WNT7A: variants seen among roughly 807,000 people sequenced by gnomAD.
WNT7A encodes Wnt family member 7A.
WNT7A carries 16 observed loss-of-function variants against 28.2 expected under a neutral mutation model. The ratio of observed to expected loss-of-function variants is 0.57; its 90% confidence interval spans 0.38 to 0.86. The LOEUF (loss-of-function observed/expected upper bound fraction) is 0.86. Ranked by LOEUF, WNT7A falls within the 40% of genes least tolerant of loss-of-function variation. The pLI is 0.00. For synonymous variants in WNT7A, 190 were observed against 195.9 expected, an observed-to-expected ratio of 0.97 and a Z score of 0.25; for missense variants, 411 against 489.7, an observed-to-expected ratio of 0.84 and a Z score of 1.52.
At position 13,818,386 on chromosome 3, in the gene WNT7A, A is replaced by G. The variant is rs750172211; in HGVS notation, c.*558T>C. ...AAAAAAAATGTGTGTGTGTATATCTATATATGCATAAAAGATGTCTCCTCT... is the reference window on the plus strand; with the variant it reads ...AAAAAAAATGTGTGTGTGTATATCTGTATATGCATAAAAGATGTCTCCTCT... On this transcript the variant is annotated 3_prime_UTR_variant, in exon 4 of 4. Coordinates refer to ENST00000285018, the MANE Select transcript of WNT7A (RefSeq NM_004625.4). The G allele has an allele frequency of 6.8e-6, 1 of 146,350 alleles. No individual in the cohort carries two copies. The highest frequency in any genetic ancestry group is 1.5e-5 in the Non-Finnish European group (1 of 66,986). The allele number at this position is 146,350 out of a possible 1,614,324, so 9.1% of individuals were successfully genotyped here.
At chr3:13,843,451 T>C (rs2124847449) in intron 3 of WNT7A, among the ~76,000 whole-genome samples, 1 of 152,122 alleles carries the variant, frequency 6.6e-6, no homozygotes, top group East Asian at 1.9e-4. Flanking sequence ...AGCAAACAAG[T>C]GGCACAGTCG....
intron 3 of WNT7A, among the ~76,000 whole-genome samples, chr3:13,847,854 G>A (rs938842935): frequency 6.6e-6 from 1 of 152,134 alleles, no homozygotes; most frequent in African/African-American, 2.4e-5. Context: ...CAGAGTCTTC[G>A]TTTGGGAAGA....
chr3:13,877,581 C>T (rs991486438), intron 1 of WNT7A, among the ~76,000 whole-genome samples: 1 of 152,216 alleles, frequency 6.6e-6, no homozygotes, highest in African/African-American at 2.4e-5. Flanking sequence ...AAGGGTCTGG[C>T]CTAGGTTCTC....
At chr3:13,864,253 TC>T (rs1694876962) in intron 2 of WNT7A, among the ~76,000 whole-genome samples, 1 of 152,134 alleles carries the variant, frequency 6.6e-6, no homozygotes, top group Non-Finnish European at 1.5e-5. Context: ...ATTAAATACC[TC>T]TGACAACTTC....
intron 2 of WNT7A, among the ~76,000 whole-genome samples, chr3:13,872,568 T>C (rs1029064693): frequency 6.6e-6 from 1 of 152,132 alleles, no homozygotes; most frequent in African/African-American, 2.4e-5. Flanking sequence ...GTCCCAAGGA[T>C]TTTCTTGGGC....
At chr3:13,872,624 C>A (rs1054025900) in intron 2 of WNT7A, among the ~76,000 whole-genome samples, 4 of 152,192 alleles carry the variant, frequency 2.6e-5, no homozygotes, top group Non-Finnish European at 4.4e-5. Context: ...CCTGCCAAGC[C>A]CACTAGAATG....
intron 3 of WNT7A, among the ~76,000 whole-genome samples, chr3:13,844,746 G>A (rs1225496238): frequency 6.6e-6 from 1 of 152,178 alleles, no homozygotes; most frequent in Non-Finnish European, 1.5e-5. Context: ...TAGGGACACA[G>A]GTGCACCTGG....
chr3:13,830,677 CT>C (rs1481712225), intron 3 of WNT7A, among the ~76,000 whole-genome samples: 1 of 152,156 alleles, frequency 6.6e-6, no homozygotes, highest in Non-Finnish European at 1.5e-5. Context: ...GACTGTCTCC[CT>C]CTGCCTAGAA....
intron 1 of WNT7A, among the ~76,000 whole-genome samples, chr3:13,878,283 C>T (rs559538553): frequency 6.6e-6 from 1 of 152,122 alleles, no homozygotes; most frequent in East Asian, 1.9e-4. Flanking sequence ...CCCTCCTCCC[C>T]GTTTCTAATT....
In WNT7A at chr3:13,818,698, C is replaced by G; in HGVS notation, c.*246G>C. Reference sequence around the variant, plus strand: ...AGAGTTCCTGCTGCAGAAGGCTTCGCTCCAGCCGCGGAGGGACCTGGGCTG... The same window carrying G: ...AGAGTTCCTGCTGCAGAAGGCTTCGGTCCAGCCGCGGAGGGACCTGGGCTG... On this transcript the variant is annotated 3_prime_UTR_variant, in exon 4 of 4. Coordinates refer to ENST00000285018, the MANE Select transcript of WNT7A (RefSeq NM_004625.4). 2.4e-6 allele frequency: 1 copy of G among 417,202 alleles called. No homozygotes were observed. The highest frequency in any genetic ancestry group is 4.1e-6 in the Non-Finnish European group (1 of 246,014). 25.8% of individuals were successfully genotyped at this position (417,202 alleles called of 1,614,324 possible). A position where few individuals can be genotyped will look rare whatever the true frequency, so the allele number is the denominator to read the frequency against.
Position 13,819,013 on chromosome 3 carries a change from C to G in WNT7A, c.981G>C (p.Lys327Asn). The change falls in exon 4 of 4, where the codon AAG becomes AAC. Residue 327 changes from lysine (K) to asparagine (N), a missense_variant. Physicochemically the swap from Lys to Asn is moderately conservative, Grantham distance 94. Transcript: ENST00000285018. ...QYARVWQCNC[K>N]FHWCCYVKCN... ...ACTTGACATAGCAGCACCAGTGGAACTTACAGTTGCACTGCCACACGCGGG... is the reference window on the plus strand; with the variant it reads ...ACTTGACATAGCAGCACCAGTGGAAGTTACAGTTGCACTGCCACACGCGGG... 6.2e-7 allele frequency: 1 copy of G among 1,611,530 alleles called. No individual in the cohort carries two copies. Among genetic ancestry groups the G allele is most frequent in the South Asian group, 1.1e-5 (1 of 90,960 alleles).
Position 13,876,397 on chromosome 3 carries a change from CA to C in WNT7A, c.72-1225del, listed in dbSNP as rs527736428. On this transcript the variant is annotated intron_variant, in intron 1 of 3. Coordinates refer to ENST00000285018, the MANE Select transcript of WNT7A (RefSeq NM_004625.4). ...GAAGCACTGAAGGGTGTAAGCAGGA[CA>C]CTGACATGACCTGGTGGTCCCCACT... Among the ~76,000 whole-genome samples the C allele has an allele frequency of 1.1e-4, 16 of 152,296 alleles. No homozygotes were observed. In the South Asian group the frequency reaches 3.3e-3, roughly 32 times the overall value.
chr3:13,855,749 G>A (rs1325624975), intron 2 of WNT7A, among the ~76,000 whole-genome samples: 1 of 152,276 alleles, frequency 6.6e-6, no homozygotes, highest in African/African-American at 2.4e-5. Context: ...AGCCCTGTGT[G>A]TGGTATAAGC....
At chr3:13,868,053 T>G (rs773831774) in intron 2 of WNT7A, among the ~76,000 whole-genome samples, 3 of 151,898 alleles carry the variant, frequency 2.0e-5, no homozygotes, top group Non-Finnish European at 4.4e-5. Context: ...ACATTAAACA[T>G]AAATAAGCAA....
chr3:13,863,410 G>A (rs1559305124), intron 2 of WNT7A, among the ~76,000 whole-genome samples: 1 of 5,968 alleles, frequency 1.7e-4, no homozygotes, highest in Non-Finnish European at 1.3e-3. Context: ...GTGTGTGTGT[G>A]TATGTGTATA....
intron 1 of WNT7A, among the ~76,000 whole-genome samples, 197 bp from the exon 2 acceptor site, chr3:13,875,370 G>A (rs1013894062): frequency 4.6e-5 from 7 of 152,132 alleles, no homozygotes; most frequent in Non-Finnish European, 7.3e-5. Context: ...GAATCAATGC[G>A]TATACCCAAT....
intron 1 of WNT7A, chr3:13,877,328 G>A (rs1279143418): frequency 6.6e-6 from 1 of 152,268 alleles, no homozygotes; most frequent in Non-Finnish European, 1.5e-5. Flanking sequence ...AGGTGTTGGA[G>A]GTGGGACAGC....
intron 3 of WNT7A, among the ~76,000 whole-genome samples, chr3:13,830,467 C>T (rs375995129): frequency 1.6e-4 from 25 of 152,294 alleles, no homozygotes; most frequent in South Asian, 1.0e-3. Context: ...AAGTGAAACA[C>T]GGGTCCATCA....
intron 2 of WNT7A, among the ~76,000 whole-genome samples, chr3:13,873,416 A>T (rs369744202): frequency 8.6e-5 from 13 of 152,018 alleles, no homozygotes; most frequent in African/African-American, 3.1e-4. Flanking sequence ...TATGGATTCA[A>T]CTAGAGACCT....
Sources: gnomAD v4.1 joint callset for allele counts (sites outside exome capture counted in the v4.1 genomes callset) on GRCh38, gnomAD v4.1.1 for gene constraint, MANE v1.5 for transcripts, NCBI Gene and HGNC (gene_info 2026-07-23, HGNC 2026-07-21) for gene names.